Variants in PRR16 observed in about 807,000 individuals in gnomAD.
PRR16 encodes proline rich 16, also known as protein Largen.
Under a neutral mutation model 18.2 loss-of-function variants are expected in PRR16, and 6 were observed. The observed-to-expected ratio is 0.33, with a 90% confidence interval of 0.18 to 0.65. PRR16 has a LOEUF of 0.65. Among genes scored for constraint, PRR16 ranks in the 30% least tolerant of loss-of-function variants. The pLI, the probability that PRR16 is intolerant of heterozygous loss-of-function variation, is 0.74. For synonymous variants in PRR16, 151 were observed against 147.8 expected (o/e 1.02, Z -0.16); for missense variants, 412 against 376.6 (o/e 1.09, Z -0.78).
At chr5:120,712,240 T>C in the PRR16 span, among the ~76,000 whole-genome samples, 11 of 152,124 alleles carry the variant, frequency 7.2e-5, no homozygotes, top group Admixed American at 2.0e-4. Flanking sequence ...AATCTACTCT[T>C]TAGCAAATTT....
At chr5:120,745,610 C>A in the PRR16 span, among the ~76,000 whole-genome samples, 981 of 152,104 alleles carry the variant, frequency 6.4e-3, 3 homozygotes, top group Non-Finnish European at 9.4e-3. Flanking sequence ...GATTTTATGG[C>A]CTCCAGTGTA....
chr5:120,570,009 C>A (rs1752856550), intron 1 of PRR16, among the ~76,000 whole-genome samples: 1 of 152,032 alleles, frequency 6.6e-6, no homozygotes, highest in South Asian at 2.1e-4. Flanking sequence ...CATAGTAATC[C>A]TCCAGATGTG....
Position 120,617,873 on chromosome 5 carries a change from G to A in PRR16, c.160-68081G>A, listed in dbSNP as rs931469255. 4.6e-5 allele frequency among the ~76,000 whole-genome samples: 7 copies of A among 152,050 alleles called. No individual in the cohort carries two copies. The East Asian group carries it at 1.3e-3, about 29-fold the overall frequency. ...AACAGCTGTGAATTCCTAACAAAGTGAAAACATGCATAGTCAAGGTCAATA... is the reference window on the plus strand; with the variant it reads ...AACAGCTGTGAATTCCTAACAAAGTAAAAACATGCATAGTCAAGGTCAATA... On this transcript the variant is annotated intron_variant, in intron 1 of 1. Coordinates refer to ENST00000407149, the MANE Select transcript of PRR16 (RefSeq NM_001300783.2).
chr5:120,604,221 G>C (rs1754077357), intron 1 of PRR16, among the ~76,000 whole-genome samples: 1 of 151,948 alleles, frequency 6.6e-6, no homozygotes, highest in African/African-American at 2.4e-5. Flanking sequence ...CTTGTTTCAT[G>C]AGTCTAGGTA....
the PRR16 span, among the ~76,000 whole-genome samples, chr5:120,702,530 A>G: frequency 2.6e-5 from 4 of 152,088 alleles, no homozygotes; most frequent in Non-Finnish European, 5.9e-5. Context: ...TTAAGGGTGA[A>G]GGACCAAGGC....
chr5:120,549,537 C>G (rs1296514939), intron 1 of PRR16, among the ~76,000 whole-genome samples: 2 of 152,010 alleles, frequency 1.3e-5, no homozygotes, highest in South Asian at 2.1e-4. Context: ...TTCTTTATCT[C>G]TGGTCTTTCT....
chr5:120,484,796 TA>T (rs1187195576), intron 1 of PRR16, among the ~76,000 whole-genome samples: 5 of 150,932 alleles, frequency 3.3e-5, no homozygotes, highest in East Asian at 1.9e-4. Context: ...GTGTCATATA[TA>T]TTTTTTTCTT....
In PRR16 at chr5:120,621,545, C is replaced by G. The variant is rs1180811194; in HGVS notation, c.160-64409C>G. 2.0e-5 allele frequency among the ~76,000 whole-genome samples: 3 copies of G among 152,198 alleles called. No individual in the cohort carries two copies. In the East Asian group the frequency reaches 5.8e-4, roughly 29 times the overall value. On this transcript the variant is annotated intron_variant, in intron 1 of 1. Transcript: ENST00000407149. ...TTAGGCTTTGCATCCCAACCTAAAT[C>G]TCTTCATGAATTTTAATCCCCATAA...
At chr5:120,719,013 ATAT>A in the PRR16 span, among the ~76,000 whole-genome samples, 452 of 152,166 alleles carry the variant, frequency 3.0e-3, 3 homozygotes, top group African/African-American at 0.011. Context: ...TAGAGGACAG[ATAT>A]TATTTCTACC....
At chr5:120,692,854 T>A in the PRR16 span, among the ~76,000 whole-genome samples, 1 of 152,196 alleles carries the variant, frequency 6.6e-6, no homozygotes, top group Non-Finnish European at 1.5e-5. Flanking sequence ...TTATTACAAC[T>A]TTTAACAACC....
intron 1 of PRR16, among the ~76,000 whole-genome samples, chr5:120,650,440 T>G (rs1419654327): frequency 6.6e-6 from 1 of 151,320 alleles, no homozygotes; most frequent in African/African-American, 2.4e-5. Context: ...AACTCATCAT[T>G]TAACATTAGG....
chr5:120,504,474 C>T (rs369987535), intron 1 of PRR16, among the ~76,000 whole-genome samples: 1 of 152,038 alleles, frequency 6.6e-6, no homozygotes, highest in African/African-American at 2.4e-5. Context: ...TTTTCATCTA[C>T]TGTCTTGAGA....
At chr5:120,763,837 G>C in the PRR16 span, among the ~76,000 whole-genome samples, 1 of 151,836 alleles carries the variant, frequency 6.6e-6, no homozygotes, top group Admixed American at 6.6e-5. Flanking sequence ...ATAGAATTGG[G>C]TTCTTCGTTT....
At chr5:120,691,783 T>C (rs555453941), downstream of PRR16, among the ~76,000 whole-genome samples, 26 of 152,322 alleles carry the variant, frequency 1.7e-4, no homozygotes, top group Admixed American at 1.6e-3. Flanking sequence ...ACCAGCTAAA[T>C]AAAACAATGT....
chr5:120,691,732 A>G (rs1007382703), downstream of PRR16, among the ~76,000 whole-genome samples: 3 of 152,196 alleles, frequency 2.0e-5, no homozygotes, highest in African/African-American at 7.2e-5. Flanking sequence ...CTATTTCATA[A>G]TATAATTGTC....
chr5:120,729,311 G>T, the PRR16 span, among the ~76,000 whole-genome samples: 46 of 152,210 alleles, frequency 3.0e-4, no homozygotes, highest in African/African-American at 1.0e-3. Flanking sequence ...CCAGCTGTGT[G>T]GCCATAGGTA....
chr5:120,690,919 T>C (rs1757201750), downstream of PRR16, among the ~76,000 whole-genome samples: 2 of 152,182 alleles, frequency 1.3e-5, no homozygotes, highest in African/African-American at 2.4e-5. Context: ...TAACTCTCTC[T>C]TTAAAATACG....
chr5:120,554,355 A>C (rs1561543626), intron 1 of PRR16, among the ~76,000 whole-genome samples: 1 of 152,006 alleles, frequency 6.6e-6, no homozygotes, highest in Non-Finnish European at 1.5e-5. Flanking sequence ...GATTTAAAAT[A>C]CTAAACTAAT....
At chr5:120,738,760 T>C in the PRR16 span, among the ~76,000 whole-genome samples, 1 of 152,156 alleles carries the variant, frequency 6.6e-6, no homozygotes, top group African/African-American at 2.4e-5. Flanking sequence ...CTGACTGATT[T>C]GTGCTGAGTG....
Sources: allele counts gnomAD v4.1 joint callset (sites outside exome capture counted in the v4.1 genomes callset), GRCh38; gene constraint gnomAD v4.1.1; transcripts MANE v1.5; gene names NCBI Gene and HGNC (gene_info 2026-07-23, HGNC 2026-07-21).